The following TRIM5 variants were observed in gnomAD, a reference collection of about 807,000 sequenced individuals.
The protein encoded by TRIM5 is tripartite motif-containing protein 5.
TRIM5 carries 31 observed loss-of-function variants against 35.6 expected under a neutral mutation model. That is an observed-to-expected ratio of 0.87 (90% confidence interval 0.65 to 1.18). The LOEUF (loss-of-function observed/expected upper bound fraction) is 1.18, where lower values mean the gene tolerates loss of function less well. Among genes scored for constraint, TRIM5 ranks in the 50% most tolerant of loss-of-function variants. The pLI is 0.00. For synonymous variants in TRIM5, 243 were observed against 215.6 expected, an observed-to-expected ratio of 1.13 and a Z score of -1.11; for missense variants, 609 against 591.6, an observed-to-expected ratio of 1.03 and a Z score of -0.31.
chr11:5,589,404 A>T, the TRIM5 span: 1 of 152,112 alleles, frequency 6.6e-6, no homozygotes, highest in Non-Finnish European at 1.5e-5. Context: ...AATTGTCTCA[A>T]ATAGACATGT....
chr11:5,596,657 C>T, the TRIM5 span: 6 of 525,236 alleles, frequency 1.1e-5, no homozygotes, highest in Admixed American at 1.6e-4. Context: ...GGGAGATGAG[C>T]CTTCCGCAAA....
the TRIM5 span, among the ~76,000 whole-genome samples, chr11:5,591,644 C>T: frequency 1.1e-4 from 17 of 149,632 alleles, no homozygotes; most frequent in East Asian, 1.4e-3. Context: ...GCAAAAACTC[C>T]GCCTCAAAAA....
chr11:5,606,131 A>T, the TRIM5 span, among the ~76,000 whole-genome samples: 1 of 152,234 alleles, frequency 6.6e-6, no homozygotes, highest in Non-Finnish European at 1.5e-5. Context: ...TACCCAGCTT[A>T]GTCACAGGCA....
chr11:5,663,280 A>G lies in TRIM5; in HGVS notation c.*1529T>C, dbSNP rs1343459999. ...AATTTTATTATAATTATTTTTTACAATTAATAAACTGATTCCCACATAATT... is the reference window on the plus strand; with the variant it reads ...AATTTTATTATAATTATTTTTTACAGTTAATAAACTGATTCCCACATAATT... On this transcript the variant is annotated 3_prime_UTR_variant, in exon 8 of 8. Transcript: ENST00000380034. 6.3e-6 allele frequency: 6 copies of G among 951,422 alleles called. No individual in the cohort carries two copies. Among genetic ancestry groups the G allele is most frequent in the Non-Finnish European group, 6.3e-6 (5 of 799,022 alleles). 58.9% of individuals were successfully genotyped at this position (951,422 alleles called of 1,614,324 possible).
chr11:5,679,061 C>A lies in TRIM5; in HGVS notation c.513+13G>T. On this transcript the variant is annotated intron_variant, in intron 3 of 7. Transcript: ENST00000380034. ...ATTTCTAGCTAACTCCTTCGGGAAC[C>A]ACATCCTCTTGCCTTCCAGGAAGCT... The A allele has an allele frequency of 6.2e-7, 1 of 1,611,648 alleles. No homozygotes were observed. The highest frequency in any genetic ancestry group is 1.1e-5 in the South Asian group (1 of 91,004).
At chr11:5,657,675 A>ATATATATATTTATAATATAAT in the TRIM5 span, among the ~76,000 whole-genome samples, 3 of 119,018 alleles carry the variant, frequency 2.5e-5, no homozygotes, top group Non-Finnish European at 4.9e-5. Context: ...TTTATAATAT[A>ATATATATATTTATAATATAAT]ATATATATAT....
chr11:5,625,566 G>A, the TRIM5 span, among the ~76,000 whole-genome samples: 1 of 152,166 alleles, frequency 6.6e-6, no homozygotes. Flanking sequence ...GTTGAAGTGG[G>A]TTCTTTTGCT....
At chr11:5,675,122 G>A (rs750792200) in intron 4 of TRIM5, among the ~76,000 whole-genome samples, 5 of 151,654 alleles carry the variant, frequency 3.3e-5, no homozygotes, top group African/African-American at 7.3e-5. Context: ...TCCGCCTCCC[G>A]GGTTCACACT....
At chr11:5,632,821 C>CT in the TRIM5 span, 25 of 1,189,758 alleles carry the variant, frequency 2.1e-5, no homozygotes, top group Admixed American at 1.3e-4. Flanking sequence ...ACCTTTTCAT[C>CT]CTTTTTTTTT....
chr11:5,629,985 G>C, the TRIM5 span, among the ~76,000 whole-genome samples: 16 of 152,150 alleles, frequency 1.1e-4, no homozygotes, highest in South Asian at 3.1e-3. Flanking sequence ...AGATTACAGG[G>C]GTGAGCCACC....
the TRIM5 span, among the ~76,000 whole-genome samples, chr11:5,597,349 G>C: frequency 6.6e-6 from 1 of 152,128 alleles, no homozygotes; most frequent in Non-Finnish European, 1.5e-5. Context: ...TCCATGCCTA[G>C]CTTTAAAAAA....
At chr11:5,643,125 A>ATATATAT in the TRIM5 span, 48,775 of 966,274 alleles carry the variant, frequency 0.05, 746 homozygotes, top group Admixed American at 0.062. Context: ...ATATATATAT[A>ATATATAT]TTTTTTTTTT....
chr11:5,612,844 C>CCTA, the TRIM5 span: 1 of 152,124 alleles, frequency 6.6e-6, no homozygotes, highest in South Asian at 2.1e-4. Flanking sequence ...ATTTCAAATA[C>CCTA]CTACTTCAAA....
the TRIM5 span, chr11:5,610,367 G>T: frequency 6.4e-7 from 1 of 1,564,246 alleles, no homozygotes; most frequent in Non-Finnish European, 8.7e-7. Flanking sequence ...CAGAGGGAGG[G>T]ACATAGTGTG....
At chr11:5,653,464 A>G in the TRIM5 span, among the ~76,000 whole-genome samples, 2 of 149,668 alleles carry the variant, frequency 1.3e-5, no homozygotes, top group African/African-American at 4.9e-5. Flanking sequence ...AAAATGGCAA[A>G]CTGTTTTTTC....
At chr11:5,638,235 TAAAG>T in the TRIM5 span, among the ~76,000 whole-genome samples, 1 of 152,128 alleles carries the variant, frequency 6.6e-6, no homozygotes, top group African/African-American at 2.4e-5. Context: ...ATAATTCAAA[TAAAG>T]AGATTCAAGT....
chr11:5,676,830 C>T lies in TRIM5; in HGVS notation c.744+1374G>A, dbSNP rs1355381931. On this transcript the variant is annotated intron_variant, in intron 4 of 7. Coordinates refer to ENST00000380034, the MANE Select transcript of TRIM5 (RefSeq NM_033034.3). The stretch of plus-strand genomic sequence containing the variant: ...TACAACTATCTGATCTTTGACAAAC[C>T]TGAGAAAAACAAGCAATGGGGAAAG... 3.9e-3 allele frequency among the ~76,000 whole-genome samples: 593 copies of T among 150,458 alleles called. 6 individuals are homozygous for T. The highest frequency in any genetic ancestry group is 0.014 in the African/African-American group (559 of 40,940).
chr11:5,666,089 T>C lies in TRIM5; in HGVS notation c.768-8A>G, dbSNP rs1564907167. 4.0e-6 allele frequency: 6 copies of C among 1,509,454 alleles called. No homozygotes were observed. Among genetic ancestry groups the C allele is most frequent in the African/African-American group, 1.6e-5 (1 of 61,700 alleles). The allele number at this position is 1,509,454 out of a possible 1,614,324, so 93.5% of individuals were successfully genotyped here. ...AAGGTCACGTTCTCCGTCCTAAGAATTAAAAAAAAAAAAAAAAACTTCCAA... is the reference window on the plus strand; with the variant it reads ...AAGGTCACGTTCTCCGTCCTAAGAACTAAAAAAAAAAAAAAAAACTTCCAA... On this transcript the variant is annotated splice_region_variant and splice_polypyrimidine_tract_variant and intron_variant, in intron 5 of 7. Transcript: ENST00000380034.
intron 4 of TRIM5, among the ~76,000 whole-genome samples, chr11:5,676,413 T>C (rs1208787236): frequency 8.5e-5 from 13 of 152,100 alleles, no homozygotes; most frequent in South Asian, 2.1e-4. Flanking sequence ...CGTGAAGGAC[T>C]TCTTCAAGGA....
Sources: allele counts gnomAD v4.1 joint callset (sites outside exome capture counted in the v4.1 genomes callset), GRCh38; gene constraint gnomAD v4.1.1; transcripts MANE v1.5; gene names NCBI Gene and HGNC (gene_info 2026-07-23, HGNC 2026-07-21).